The following GTSE1 variants were observed in gnomAD, a reference collection of about 807,000 sequenced individuals.
GTSE1 encodes G2 and S-phase expressed 1, also known as G2 and S phase-expressed protein 1.
GTSE1 carries 52 observed loss-of-function variants against 60.5 expected under a neutral mutation model. The ratio of observed to expected loss-of-function variants is 0.86; its 90% CI spans 0.69 to 1.08. The LOEUF (loss-of-function observed/expected upper bound fraction) is 1.08. GTSE1 is among the 50% of genes least tolerant of loss of function. The pLI, the probability that GTSE1 is intolerant of heterozygous loss-of-function variation, is 0.00. For synonymous variants in GTSE1, 368 were observed against 386.5 expected (o/e 0.95, Z 0.56); for missense variants, 937 against 961.8 (o/e 0.97, Z 0.34).
In GTSE1 at chr22:46,310,096, A is replaced by T. The variant is rs2077740004; in HGVS notation, c.762+1153A>T. Among the ~76,000 whole-genome samples, 1 of 152,104 alleles carries T rather than the reference A, an allele frequency of 6.6e-6. No individual in the cohort carries two copies. Among genetic ancestry groups the T allele is most frequent in the Non-Finnish European group, 1.5e-5 (1 of 68,024 alleles). On this transcript the variant is annotated intron_variant, in intron 4 of 11. Transcript: ENST00000454366. This position sits in a 1 kb window ranked among gnomAD's most constrained non-coding sequence, Gnocchi z 4.4. The stretch of plus-strand genomic sequence containing the variant: ...TGAGATGCACTCATGCACACGTGGG[A>T]GCCCCACCATGTCCTGCATGTTTCT...
chr22:46,323,238 C>T lies in GTSE1; in HGVS notation c.1481C>T (p.Pro494Leu), dbSNP rs377343356. 62 of 1,613,814 alleles carry T rather than the reference C, an allele frequency of 3.8e-5. No individual in the cohort carries two copies. The African/African-American group carries it at 6.1e-4, about 16-fold the overall frequency. ...CCAAAGCTTTCGCGGGCACAGCGGC[C>T]GCAGTCGTGCACGTCAGTTGGCAGG... ...STPKLSRAQR[P>L]QSCTSVGRVT... The change falls in exon 8 of 12, where the codon CCG becomes CTG. Residue 494 changes from proline to leucine, a missense_variant. Pro to Leu is a moderately conservative substitution (Grantham distance 98). Transcript: ENST00000454366.
rs1296796206 is a variant in GTSE1 at position 46,314,193 on chromosome 22, T to C, written c.1051+180T>C. On this transcript the variant is annotated intron_variant, in intron 6 of 11. Coordinates refer to ENST00000454366, the MANE Select transcript of GTSE1 (RefSeq NM_016426.7). The surrounding 1 kb of genome is among the most constrained non-coding windows in gnomAD (Gnocchi z 7.1). ...TTGCTGTACCTGCCCTCAGTGCCTC[T>C]GTCCCATGAGGAGGGCACACTCAGA... is the stretch of plus-strand genomic sequence containing the variant. Among the ~76,000 whole-genome samples, 1 of 152,236 alleles carries C rather than the reference T, an allele frequency of 6.6e-6. No individual in the cohort carries two copies. The highest frequency in any genetic ancestry group is 1.9e-4 in the East Asian group (1 of 5,200).
intron 5 of GTSE1, among the ~76,000 whole-genome samples, chr22:46,312,967 A>G (rs2077757498): frequency 6.6e-6 from 1 of 151,936 alleles, no homozygotes; most frequent in Non-Finnish European, 1.5e-5. Flanking sequence ...GTTTGAGACC[A>G]GCCTGGGCAA....
In GTSE1 at chr22:46,321,533, C is replaced by T. The variant is rs1003252228; in HGVS notation, c.1433-1657C>T. On this transcript the variant is annotated intron_variant, in intron 7 of 11. Transcript: ENST00000454366. This position sits in a 1 kb window ranked among gnomAD's most constrained non-coding sequence, Gnocchi z 4.0. Reference sequence around the variant, plus strand: ...GGTGAACATGGAGGCCTGGTGAACGCACAGGTGGGGGCGGTGGGGAGGTGT... The same window carrying T: ...GGTGAACATGGAGGCCTGGTGAACGTACAGGTGGGGGCGGTGGGGAGGTGT... 6.6e-6 allele frequency among the ~76,000 whole-genome samples: 1 copy of T among 152,130 alleles called. No individual in the cohort carries two copies. The highest frequency in any genetic ancestry group is 6.5e-5 in the Admixed American group (1 of 15,280).
chr22:46,309,030 A>C lies in GTSE1; in HGVS notation c.762+87A>C. The C allele has an allele frequency of 8.4e-6, 12 of 1,420,120 alleles. No homozygotes were observed. The highest frequency in any genetic ancestry group is 1.0e-5 in the Non-Finnish European group (11 of 1,050,778). 88.0% of individuals were successfully genotyped at this position (1,420,120 alleles called of 1,614,324 possible). The stretch of plus-strand genomic sequence containing the variant: ...ACAGAAGCCACATGCGGAAAGCCTC[A>C]GAGGTGGCGAGTCTCTGAGGCCTAC... On this transcript the variant is annotated intron_variant, in intron 4 of 11. Coordinates refer to ENST00000454366, the MANE Select transcript of GTSE1 (RefSeq NM_016426.7). This position sits in a 1 kb window ranked among gnomAD's most constrained non-coding sequence, Gnocchi z 6.2.
At chr22:46,328,629 C>A in intron 9 of GTSE1, 59 bp from the exon 10 acceptor site, 2 of 1,346,042 alleles carry the variant, frequency 1.5e-6, no homozygotes, top group Non-Finnish European at 2.1e-6. Context: ...CTTCCCACAT[C>A]AGCCAAGTGA....
Position 46,313,872 on chromosome 22 carries a change from T to C in GTSE1, c.928-18T>C. 6.2e-7 allele frequency: 1 copy of C among 1,613,786 alleles called. No individual in the cohort carries two copies. The highest frequency in any genetic ancestry group is 8.5e-7 in the Non-Finnish European group (1 of 1,179,708). The stretch of plus-strand genomic sequence containing the variant: ...AACGAGATCTTTGCTGATTCTGTTT[T>C]TTCACATTTTGCCCCAGTTGGGGCT... On this transcript the variant is annotated intron_variant, in intron 5 of 11. Coordinates refer to ENST00000454366, the MANE Select transcript of GTSE1 (RefSeq NM_016426.7). This position sits in a 1 kb window ranked among gnomAD's most constrained non-coding sequence, Gnocchi z 4.4.
rs1330906280 is a variant in GTSE1, at chr22:46,316,904, T to C, written c.1432+492T>C. Among the ~76,000 whole-genome samples the C allele has an allele frequency of 6.6e-6, 1 of 152,164 alleles. No homozygotes were observed. Among genetic ancestry groups the C allele is most frequent in the East Asian group, 1.9e-4 (1 of 5,204 alleles). ...CACAGGACACCGAAGCTCTGTTCTT[T>C]TTTTTATTTCAGCCTTTTTTCTTTT... On this transcript the variant is annotated intron_variant, in intron 7 of 11. Coordinates refer to ENST00000454366, the MANE Select transcript of GTSE1 (RefSeq NM_016426.7). The surrounding 1 kb of genome is among the most constrained non-coding windows in gnomAD (Gnocchi z 5.0).
Position 46,310,419 on chromosome 22 carries a change from A to G in GTSE1, c.762+1476A>G, listed in dbSNP as rs1294385119. Among the ~76,000 whole-genome samples the G allele has an allele frequency of 6.6e-6, 1 of 152,080 alleles. No individual in the cohort carries two copies. The highest frequency in any genetic ancestry group is 2.4e-5 in the African/African-American group (1 of 41,410). On this transcript the variant is annotated intron_variant, in intron 4 of 11. Transcript: ENST00000454366. The surrounding 1 kb of genome is among the most constrained non-coding windows in gnomAD (Gnocchi z 4.4). ...AACAGTTTGGCAGCTCCTCAAAAAAATAAATGTAGAGGGTCCCATGGGACC... is the reference window on the plus strand; with the variant it reads ...AACAGTTTGGCAGCTCCTCAAAAAAGTAAATGTAGAGGGTCCCATGGGACC...
At chr22:46,298,381 C>G (rs1241200811) in intron 2 of GTSE1, among the ~76,000 whole-genome samples, 1 of 151,776 alleles carries the variant, frequency 6.6e-6, no homozygotes, top group Non-Finnish European at 1.5e-5. Context: ...GATCTTGGCT[C>G]ACTGCAACCT....
chr22:46,312,446 C>T, intron 5 of GTSE1, 141 bp downstream of exon 5: 1 of 751,026 alleles, frequency 1.3e-6, no homozygotes, highest in East Asian at 2.8e-5. Context: ...TCAAGACCAG[C>T]CTGAGCAACA....
intron 2 of GTSE1, among the ~76,000 whole-genome samples, chr22:46,299,213 C>T (rs1432544234): frequency 6.6e-6 from 1 of 152,238 alleles, no homozygotes; most frequent in Non-Finnish European, 1.5e-5. Context: ...GTCGGGGGCT[C>T]CCCCTCTGCT....
chr22:46,322,797 C>T (rs1222828624), intron 7 of GTSE1, among the ~76,000 whole-genome samples: 1 of 152,176 alleles, frequency 6.6e-6, no homozygotes, highest in Non-Finnish European at 1.5e-5. Context: ...GAAGCTAAAC[C>T]CCTGCGGTGT....
chr22:46,303,456 C>G (rs73177071), intron 2 of GTSE1, among the ~76,000 whole-genome samples: 276 of 152,254 alleles, frequency 1.8e-3, no homozygotes, highest in Non-Finnish European at 3.0e-3. Flanking sequence ...AGTTGATCTT[C>G]TTGATTTGTT....
In GTSE1 at chr22:46,329,780, TGGACA is replaced by T. The variant is rs910513451; in HGVS notation, c.2136+216_2136+220del. On this transcript the variant is annotated intron_variant, in intron 11 of 11. Coordinates refer to ENST00000454366, the MANE Select transcript of GTSE1 (RefSeq NM_016426.7). The surrounding 1 kb of genome is among the most constrained non-coding windows in gnomAD (Gnocchi z 6.4). ...CTGCCAGGACCCTGCCAGCTCTTGTTGGACAGGGACCGCCTCTCTCCTGCCCATAG... is the reference window on the plus strand; with the variant it reads ...CTGCCAGGACCCTGCCAGCTCTTGTTGGGACCGCCTCTCTCCTGCCCATAG... Among the ~76,000 whole-genome samples, 1 of 152,196 alleles carries T rather than the reference TGGACA, an allele frequency of 6.6e-6. No individual in the cohort carries two copies. The highest frequency in any genetic ancestry group is 2.4e-5 in the African/African-American group (1 of 41,440).
At chr22:46,307,109 G>A (rs1460127071) in intron 2 of GTSE1, among the ~76,000 whole-genome samples, 2 of 152,182 alleles carry the variant, frequency 1.3e-5, no homozygotes, top group Non-Finnish European at 2.9e-5. Flanking sequence ...CCTGGAACTT[G>A]TGATCTGTTT....
Position 46,308,526 on chromosome 22 carries a change from C to G in GTSE1, c.345C>G (p.Ser115Arg), listed in dbSNP as rs546328576. ...TACTGGCTTTACACATTGAGAGCAG[C>G]AGCCGGAACCAGGCAGCCCAAGCTG... ...AHLLALHIES[S>R]SRNQAAQAAK... Residue 115 changes from serine to arginine, a missense_variant, in exon 4 of 12, where the codon AGC (serine) becomes AGG (arginine). Ser to Arg is a moderately radical substitution (Grantham distance 110). Coordinates refer to ENST00000454366, the MANE Select transcript of GTSE1 (RefSeq NM_016426.7). 2 of 1,614,202 alleles carry G rather than the reference C, an allele frequency of 1.2e-6. No individual in the cohort carries two copies. Among genetic ancestry groups the G allele is most frequent in the South Asian group, 2.2e-5 (2 of 91,084 alleles).
At chr22:46,300,510 C>T (rs6008571) in intron 2 of GTSE1, among the ~76,000 whole-genome samples, 7 of 152,314 alleles carry the variant, frequency 4.6e-5, no homozygotes, top group African/African-American at 1.7e-4. Flanking sequence ...GTGTTTTCAC[C>T]TCTTCCAGCC....
chr22:46,313,943 A>G lies in GTSE1; in HGVS notation c.981A>G (p.Ala327=), dbSNP rs554319285. 7 of 1,614,226 alleles carry G rather than the reference A, an allele frequency of 4.3e-6. No homozygotes were observed. The highest frequency in any genetic ancestry group is 5.9e-6 in the Non-Finnish European group (7 of 1,180,034). Residue 327 remains alanine (A), a synonymous_variant, in exon 6 of 12, where the codon GCA becomes GCG. Transcript: ENST00000454366. This position sits in a 1 kb window ranked among gnomAD's most constrained non-coding sequence, Gnocchi z 4.4. ...CACCCGGCTCTACCAGCAATCTCGC[A>G]AGGAAGTCCTCCTCGGGGCCTGTTT... ...LKAPGSTSNL[A]RKSSSGPVWS... is the part of the protein sequence containing the mutation.
Sources: gnomAD v4.1 joint callset for allele counts (sites outside exome capture counted in the v4.1 genomes callset) on GRCh38, gnomAD v4.1.1 for gene constraint, Gnocchi (gnomAD v3.1) non-coding constraint, MANE v1.5 for transcripts, NCBI Gene and HGNC (gene_info 2026-07-23, HGNC 2026-07-21) for gene names.